Variants in YY1 observed in about 807,000 individuals in gnomAD.
YY1 encodes the protein transcriptional repressor protein YY1.
In YY1, 2 loss-of-function variants were observed where a neutral mutation model predicts 35.6. The observed-to-expected ratio is 0.06, with a 90% confidence interval of 0.02 to 0.18. The LOEUF (loss-of-function observed/expected upper bound fraction) is 0.18, where lower values mean the gene tolerates loss of function less well. Ranked by LOEUF, YY1 falls within the 10% of genes least tolerant of loss-of-function variation. YY1 has a pLI of 1.00. For missense variants in YY1, 322 were observed against 573.4 expected, an observed-to-expected ratio of 0.56 and a Z score of 4.48; for synonymous variants, 268 against 238.9, an observed-to-expected ratio of 1.12 and a Z score of -1.12.
rs755096627 is a variant in YY1, at chr14:100,274,769, C to T, written c.903+11C>T. The T allele has an allele frequency of 6.2e-7, 1 of 1,611,824 alleles. No individual in the cohort carries two copies. Among genetic ancestry groups the T allele is most frequent in the Non-Finnish European group, 8.5e-7 (1 of 1,178,106 alleles). On this transcript the variant is annotated intron_variant, in intron 3 of 4. Coordinates refer to ENST00000262238, the MANE Select transcript of YY1 (RefSeq NM_003403.5). ...GCTTGCCCTCATAAAGTAAGTAATG[C>T]TAGAGGGAGAGTGTTCATTAAACTG...
At chr14:100,271,983 A>G (rs1279891160) in intron 2 of YY1, among the ~76,000 whole-genome samples, 3 of 152,140 alleles carry the variant, frequency 2.0e-5, no homozygotes, top group Non-Finnish European at 4.4e-5. Context: ...AGGGATGCTC[A>G]ATCTATAATC....
At chr14:100,260,865 G>A (rs1022042629) in intron 1 of YY1, among the ~76,000 whole-genome samples, 13 of 133,338 alleles carry the variant, frequency 9.7e-5, no homozygotes, top group African/African-American at 8.7e-5. Flanking sequence ...ACGTGGTCAC[G>A]GCTCACTACA....
At position 100,239,253 on chromosome 14, in the gene YY1, G is replaced by A. The variant is rs199591448; in HGVS notation, c.9G>A (p.Ser3=). 7.2e-4 allele frequency: 1,128 copies of A among 1,562,152 alleles called. 2 individuals carry two copies. Among genetic ancestry groups the A allele is most frequent in the Non-Finnish European group, 9.1e-4 (1,055 of 1,157,850 alleles). MA[S]GDTLYIATDG... ...CGGCGGAGCCCTCAGCCATGGCCTC[G>A]GGCGACACCCTCTACATCGCCACGG... Residue 3 remains serine, a synonymous_variant, in exon 1 of 5, where the codon TCG becomes TCA. Coordinates refer to ENST00000262238, the MANE Select transcript of YY1 (RefSeq NM_003403.5).
intron 2 of YY1, among the ~76,000 whole-genome samples, chr14:100,262,698 C>G (rs918995596): frequency 3.9e-5 from 6 of 152,038 alleles, no homozygotes; most frequent in African/African-American, 1.5e-4. Context: ...CTCACTGCAG[C>G]CTCTGCCTCC....
chr14:100,277,001 T>C lies in YY1; in HGVS notation c.1062+353T>C, dbSNP rs1891330210. The C allele has an allele frequency of 2.4e-6, 1 of 408,872 alleles. No homozygotes were observed. Among genetic ancestry groups the C allele is most frequent in the East Asian group, 5.1e-5 (1 of 19,498 alleles). The allele number at this position is 408,872 out of a possible 1,614,324, so 25.3% of individuals were successfully genotyped here. On this transcript the variant is annotated intron_variant, in intron 4 of 4. Coordinates refer to ENST00000262238, the MANE Select transcript of YY1 (RefSeq NM_003403.5). The surrounding 1 kb of genome is among the most constrained non-coding windows in gnomAD (Gnocchi z 5.6). ...AGTTAATAGTATAATTACTAACTGA[T>C]AAAGTTTCTAGAGTGTAAGTATAGG... is the stretch of plus-strand genomic sequence containing the variant.
At chr14:100,252,012 G>T (rs1268642978) in intron 1 of YY1, among the ~76,000 whole-genome samples, 2 of 152,212 alleles carry the variant, frequency 1.3e-5, no homozygotes, top group Non-Finnish European at 2.9e-5. Context: ...GAAAGGAAGA[G>T]ATCTTAATTT....
At chr14:100,272,120 C>A (rs1891247417) in intron 2 of YY1, among the ~76,000 whole-genome samples, 2 of 151,840 alleles carry the variant, frequency 1.3e-5, no homozygotes, top group Non-Finnish European at 2.9e-5. Flanking sequence ...CATGGTGAAA[C>A]CCCATCTCTA....
chr14:100,257,623 C>G (rs7147770), intron 1 of YY1, among the ~76,000 whole-genome samples: 99,466 of 151,682 alleles, frequency 0.66, 32,998 homozygotes, highest in South Asian at 0.81. Flanking sequence ...TGCTATGTGA[C>G]AAGACAGTGT....
chr14:100,265,719 G>T (rs1233721564), intron 2 of YY1, among the ~76,000 whole-genome samples: 1 of 145,376 alleles, frequency 6.9e-6, no homozygotes, highest in Admixed American at 7.2e-5. Context: ...GCACGACCTC[G>T]GCTCACTGCA....
intron 1 of YY1, among the ~76,000 whole-genome samples, chr14:100,251,592 C>G (rs185703447): frequency 1.3e-5 from 2 of 152,354 alleles, no homozygotes; most frequent in African/African-American, 4.8e-5. Flanking sequence ...GTGCAAGGCA[C>G]AAGACCTACT....
intron 2 of YY1, 148 bp downstream of exon 2, chr14:100,262,614 T>C (rs1017020753): frequency 4.2e-6 from 4 of 944,224 alleles, no homozygotes; most frequent in Non-Finnish European, 6.4e-6. Context: ...TTTATTTGTT[T>C]GTTTTTTGTT....
In YY1 at chr14:100,239,232, G is replaced by A. The variant is rs1322974458; in HGVS notation, c.-13G>A. ...CCGAGGCCGCCGCGGCCGTGGCGGC[G>A]GAGCCCTCAGCCATGGCCTCGGGCG... On this transcript the variant is annotated 5_prime_UTR_variant, in exon 1 of 5. Transcript: ENST00000262238. 4 of 1,489,876 alleles carry A rather than the reference G, an allele frequency of 2.7e-6. No homozygotes were observed. Among genetic ancestry groups the A allele is most frequent in the Non-Finnish European group, 2.7e-6 (3 of 1,123,810 alleles). The allele number at this position is 1,489,876 out of a possible 1,614,324, so 92.3% of individuals were successfully genotyped here. A position where few individuals can be genotyped will look rare whatever the true frequency, so the allele number is the denominator to read the frequency against.
At chr14:100,239,955 ATGT>A in intron 1 of YY1, 32 bp downstream of exon 1, 1 of 1,505,844 alleles carries the variant, frequency 6.6e-7, no homozygotes, top group South Asian at 1.2e-5. Context: ...CGGCCCCGGG[ATGT>A]TTTTGTTTTG....
chr14:100,261,154 G>A lies in YY1; in HGVS notation c.680-1150G>A, dbSNP rs545428896. On this transcript the variant is annotated intron_variant, in intron 1 of 4. Coordinates refer to ENST00000262238, the MANE Select transcript of YY1 (RefSeq NM_003403.5). ...AGTAAGACATACAAATAGAGATGTCGTACATTTCTTTGAACATATGCTTAT... is the reference window on the plus strand; with the variant it reads ...AGTAAGACATACAAATAGAGATGTCATACATTTCTTTGAACATATGCTTAT... 7.2e-5 allele frequency among the ~76,000 whole-genome samples: 11 copies of A among 151,946 alleles called. No individual in the cohort carries two copies. In the East Asian group the frequency reaches 9.7e-4, roughly 13 times the overall value.
chr14:100,256,940 T>TA (rs1298845099), intron 1 of YY1, among the ~76,000 whole-genome samples: 1 of 152,138 alleles, frequency 6.6e-6, no homozygotes, highest in African/African-American at 2.4e-5. Flanking sequence ...TGATTCCTGA[T>TA]ATAGGTCATA....
chr14:100,248,749 G>A (rs573266990), intron 1 of YY1, among the ~76,000 whole-genome samples: 51 of 146,394 alleles, frequency 3.5e-4, no homozygotes, highest in Admixed American at 1.5e-3. Context: ...GTGCACTGGC[G>A]CGATCTCGGC....
rs1451313857 is a variant in YY1, at chr14:100,277,697, G to T, written c.*97G>T. On this transcript the variant is annotated 3_prime_UTR_variant, in exon 5 of 5. Transcript: ENST00000262238. The surrounding 1 kb of genome is among the most constrained non-coding windows in gnomAD (Gnocchi z 5.6). Reference sequence around the variant, plus strand: ...CTCCTTTGTATATTATTTCTAGGAAGAATTTTAAAAATGAATCCTACACAC... The same window carrying T: ...CTCCTTTGTATATTATTTCTAGGAATAATTTTAAAAATGAATCCTACACAC... The T allele has an allele frequency of 7.4e-7, 1 of 1,356,116 alleles. No individual in the cohort carries two copies. The highest frequency in any genetic ancestry group is 1.0e-6 in the Non-Finnish European group (1 of 972,940). The allele number at this position is 1,356,116 out of a possible 1,614,324, so 84.0% of individuals were successfully genotyped here.
rs919458830 is a variant in YY1 at position 100,262,402 on chromosome 14, C to A, written c.778C>A (p.Leu260Ile). 1 of 1,614,156 alleles carries A rather than the reference C, an allele frequency of 6.2e-7. No individual in the cohort carries two copies. The highest frequency in any genetic ancestry group is 8.5e-7 in the Non-Finnish European group (1 of 1,180,018). Residue 260 changes from leucine (L) to isoleucine (I), a missense_variant, in exon 2 of 5, where the codon CTT (leucine) becomes ATT (isoleucine). By Grantham distance (5) the Leu-to-Ile change is conservative (BLOSUM62 2). Coordinates refer to ENST00000262238, the MANE Select transcript of YY1 (RefSeq NM_003403.5). ...TTCAGAATATATGACAGGAAAGAAA[C>A]TTCCTCCTGGAGGAATACCTGGCAT... Reference protein sequence around the residue: ...DYSEYMTGKKLPPGGIPGIDL... With the variant: ...DYSEYMTGKKIPPGGIPGIDL...
At chr14:100,249,095 G>C (rs1375339676) in intron 1 of YY1, among the ~76,000 whole-genome samples, 1 of 116,896 alleles carries the variant, frequency 8.6e-6, no homozygotes, top group African/African-American at 3.1e-5. Context: ...ACTCTTTCTC[G>C]TGTAATTTTT....
Sources: gnomAD v4.1 joint callset for allele counts (sites outside exome capture counted in the v4.1 genomes callset) on GRCh38, gnomAD v4.1.1 for gene constraint, Gnocchi (gnomAD v3.1) non-coding constraint, MANE v1.5 for transcripts, NCBI Gene and HGNC (gene_info 2026-07-23, HGNC 2026-07-21) for gene names.